Variants in PHF8 observed in about 807,000 individuals in gnomAD.
PHF8 encodes histone lysine demethylase PHF8.
PHF8 carries 9 observed loss-of-function variants against 74.4 expected under a neutral mutation model. The ratio of observed to expected loss-of-function variants is 0.12; its 90% CI spans 0.07 to 0.21. The LOEUF is 0.21. PHF8 is among the 10% of genes least tolerant of loss of function. The pLI, the probability that PHF8 is intolerant of heterozygous loss-of-function variation, is 1.00. For synonymous variants in PHF8, 311 were observed against 316.6 expected (o/e 0.98, Z 0.19); for missense variants, 478 against 816.6 (o/e 0.59, Z 5.05).
chrX:54,028,637 C>T (rs1407583584), intron 2 of PHF8, among the ~76,000 whole-genome samples: 1 of 111,520 alleles, frequency 9.0e-6, no homozygotes, highest in Non-Finnish European at 1.9e-5. Context: ...CACTTACGTA[C>T]TTCAAATTCA....
At chrX:53,975,068 G>GA (rs782306475) in intron 18 of PHF8, among the ~76,000 whole-genome samples, 2 of 111,196 alleles carry the variant, frequency 1.8e-5, no homozygotes, top group African/African-American at 3.3e-5. Context: ...TTAAAAGTTG[G>GA]AAAAAAAATG....
chrX:54,000,522 T>C (rs1481645530), intron 10 of PHF8, among the ~76,000 whole-genome samples: 1 of 112,654 alleles, frequency 8.9e-6, no homozygotes, highest in Non-Finnish European at 1.9e-5. Flanking sequence ...AATGAGCAGT[T>C]AGTCATCCAG....
chrX:53,940,568 TC>T, intron 20 of PHF8, 52 bp from the exon 21 acceptor site: 1 of 919,796 alleles, frequency 1.1e-6, no homozygotes, highest in East Asian at 3.2e-5. Context: ...GAAGACAAGT[TC>T]CCAGGAAAGG....
In PHF8 at chrX:53,973,828, A is replaced by G. The variant is rs183180171; in HGVS notation, c.2444-10889T>C. On this transcript the variant is annotated intron_variant, in intron 18 of 21. Transcript: ENST00000338154. The stretch of plus-strand genomic sequence containing the variant: ...TTAAATTAAAGAGCTTCTGCACATC[A>G]AAAGAAACTATAATCAGAGTGAACA... Among the ~76,000 whole-genome samples the G allele has an allele frequency of 4.2e-4, 47 of 112,147 alleles. No homozygotes were observed. In the East Asian group the frequency reaches 0.013, roughly 31 times the overall value.
chrX:54,046,735 C>T (rs1557117577), upstream of PHF8, among the ~76,000 whole-genome samples: 1 of 111,586 alleles, frequency 9.0e-6, no homozygotes, highest in African/African-American at 3.3e-5. Context: ...GTGCAGATTG[C>T]ATGTCTGTAA....
rs1457536968 is a variant in PHF8, at chrX:53,958,043, A to T, written c.2539+4801T>A. Among the ~76,000 whole-genome samples, 15 of 96,791 alleles carry T rather than the reference A, an allele frequency of 1.5e-4. No individual in the cohort carries two copies. In the South Asian group the frequency reaches 2.7e-3, roughly 17 times the overall value. 84.1% of individuals were successfully genotyped at this position (96,791 alleles called of 115,157 possible). On this transcript the variant is annotated intron_variant, in intron 19 of 21. Transcript: ENST00000338154. ...ACTTCTGCAATAAGTATCAAGAACT[A>T]TTTTTTTTTTTTTTTTGAGATGAAG... is the stretch of plus-strand genomic sequence containing the variant.
rs2065737967 is a variant in PHF8 at position 53,995,848 on chromosome X, G to A, written c.1234-66C>T. 5 of 634,099 alleles carry A rather than the reference G, an allele frequency of 7.9e-6. No individual in the cohort carries two copies. In the East Asian group the frequency reaches 1.7e-4, roughly 21 times the overall value. 52.3% of individuals were successfully genotyped at this position (634,099 alleles called of 1,213,427 possible). On this transcript the variant is annotated intron_variant, in intron 11 of 21. Coordinates refer to ENST00000338154, the MANE Select transcript of PHF8 (RefSeq NM_015107.3). ...GAGACAACTGATTTTGGACAAATAT[G>A]CCAAGGCAATTCAATGGAGAAAGAG...
chrX:54,035,830 G>A (rs1410821789), intron 2 of PHF8, among the ~76,000 whole-genome samples: 1 of 110,362 alleles, frequency 9.1e-6, no homozygotes, highest in Non-Finnish European at 1.9e-5. Context: ...TGAATGAGTA[G>A]GCCGAGTGCA....
At chrX:53,942,905 GTCAGGGAGATGACTAGAGACCAAA>G (rs1385364223) in intron 20 of PHF8, 206 of 751,111 alleles carry the variant, frequency 2.7e-4, no homozygotes, top group Non-Finnish European at 3.1e-4. Context: ...CTGGAAGGAG[GTCAGGGAGATGACTAGAGACCAAA>G]TCAAGAGGAC....
intron 11 of PHF8, among the ~76,000 whole-genome samples, chrX:53,998,628 T>A (rs2065784966): frequency 9.0e-6 from 1 of 111,387 alleles, no homozygotes; most frequent in Non-Finnish European, 1.9e-5. Context: ...TCCAGGCAAG[T>A]ATATACTAAC....
intron 19 of PHF8, among the ~76,000 whole-genome samples, chrX:53,954,499 CA>C (rs1180184175): frequency 0.15 from 1,925 of 12,929 alleles, 9 homozygotes; most frequent in African/African-American, 0.29. Flanking sequence ...GACTCTGTCT[CA>C]AAAAAAAAAA....
chrX:53,965,165 G>GCA (rs1162315839), intron 18 of PHF8, among the ~76,000 whole-genome samples: 4 of 111,193 alleles, frequency 3.6e-5, no homozygotes, highest in Admixed American at 1.9e-4. Flanking sequence ...GTGCACGTGT[G>GCA]CACACACACA....
At chrX:54,029,157 G>A (rs1014276237) in intron 2 of PHF8, among the ~76,000 whole-genome samples, 2 of 111,315 alleles carry the variant, frequency 1.8e-5, no homozygotes, top group African/African-American at 6.5e-5. Context: ...CTGCCCCTGC[G>A]CTAGTTCAGG....
chrX:54,000,198 C>A (rs1368540574), intron 10 of PHF8, among the ~76,000 whole-genome samples: 1 of 112,033 alleles, frequency 8.9e-6, no homozygotes, highest in African/African-American at 3.2e-5. Context: ...CTTCATTATA[C>A]AGCCCAGAAA....
intron 4 of PHF8, among the ~76,000 whole-genome samples, chrX:54,021,743 C>T (rs1049744433): frequency 9.0e-6 from 1 of 110,554 alleles, no homozygotes; most frequent in Non-Finnish European, 1.9e-5. Flanking sequence ...GCTGGGATTA[C>T]AGGCGTGAGC....
intron 2 of PHF8, among the ~76,000 whole-genome samples, chrX:54,024,213 G>A (rs935215235): frequency 1.2e-4 from 13 of 110,408 alleles, no homozygotes; most frequent in Admixed American, 9.6e-5. Flanking sequence ...GCTTGAGGCC[G>A]GGAGTTCAAG....
intron 2 of PHF8, among the ~76,000 whole-genome samples, chrX:54,040,946 G>C (rs1425415552): frequency 8.9e-6 from 1 of 112,073 alleles, no homozygotes; most frequent in Non-Finnish European, 1.9e-5. Context: ...CAGTAAAACA[G>C]AACTCTGTGC....
intron 18 of PHF8, among the ~76,000 whole-genome samples, chrX:53,978,768 A>T (rs1557097039): frequency 9.6e-6 from 1 of 104,122 alleles, no homozygotes; most frequent in Non-Finnish European, 2.0e-5. Flanking sequence ...ATTGCCCTCC[A>T]GCCCAGGCGA....
chrX:54,028,829 A>G (rs1172087966), intron 2 of PHF8, among the ~76,000 whole-genome samples: 2 of 111,823 alleles, frequency 1.8e-5, no homozygotes, highest in Non-Finnish European at 3.8e-5. Context: ...ACGTTCTAGC[A>G]TCAAGTTAAG....
Sources: gnomAD v4.1 joint callset for allele counts (sites outside exome capture counted in the v4.1 genomes callset) on GRCh38, gnomAD v4.1.1 for gene constraint, MANE v1.5 for transcripts, NCBI Gene and HGNC (gene_info 2026-07-23, HGNC 2026-07-21) for gene names.